Variants in PCDH7 observed in about 807,000 individuals in gnomAD.
PCDH7 encodes the protein protocadherin-7.
Under a neutral mutation model 58.9 loss-of-function variants are expected in PCDH7, and 17 were observed. That is an observed-to-expected ratio of 0.29 (90% CI 0.20 to 0.43). PCDH7 has a LOEUF of 0.43. Ranked by LOEUF, PCDH7 falls within the 20% of genes least tolerant of loss-of-function variation. The probability of loss-of-function intolerance (pLI) is 1.00; values close to 1 mark genes in which losing one functional copy is unlikely to be tolerated. For synonymous variants in PCDH7, 664 were observed against 616.4 expected (o/e 1.08, Z -1.14); for missense variants, 1,274 against 1,441.0 (o/e 0.88, Z 1.88).
intron 1 of PCDH7, among the ~76,000 whole-genome samples, chr4:30,852,284 G>T (rs1732866620): frequency 6.6e-6 from 1 of 152,032 alleles, no homozygotes; most frequent in African/African-American, 2.4e-5. Flanking sequence ...TTGTTTATAT[G>T]TAGATATATA....
intron 3 of PCDH7, among the ~76,000 whole-genome samples, chr4:31,055,528 A>T (rs138771521): frequency 5.9e-5 from 9 of 152,108 alleles, no homozygotes; most frequent in Admixed American, 5.2e-4. Context: ...CTAGCAACAT[A>T]CTAGGTCCTA....
Position 31,065,310 on chromosome 4 carries a change from G to A in PCDH7, c.*8-77163G>A, listed in dbSNP as rs185552713. Among the ~76,000 whole-genome samples the A allele has an allele frequency of 6.2e-3, 947 of 152,118 alleles. 5 individuals are homozygous for A. The highest frequency in any genetic ancestry group is 0.011 in the Non-Finnish European group (766 of 67,934). Reference sequence around the variant, plus strand: ...GAGCAATTCTTCGGTGAGGTGGAATGAGCAGCACTTTAATAGCAGTGCTTA... The same window carrying A: ...GAGCAATTCTTCGGTGAGGTGGAATAAGCAGCACTTTAATAGCAGTGCTTA... On this transcript the variant is annotated intron_variant, in intron 3 of 3. Coordinates refer to the PCDH7 transcript ENST00000509759.
intron 1 of PCDH7, among the ~76,000 whole-genome samples, chr4:30,835,333 C>T (rs1480248186): frequency 2.6e-5 from 4 of 152,040 alleles, no homozygotes; most frequent in South Asian, 2.1e-4. Context: ...TCCTGCCAGA[C>T]GAGCGGTGGC....
chr4:31,079,349 T>G (rs1230193814), intron 3 of PCDH7, among the ~76,000 whole-genome samples: 28 of 90,512 alleles, frequency 3.1e-4, no homozygotes, highest in Middle Eastern at 4.5e-3. Flanking sequence ...TATATATATA[T>G]ATATATATAT....
At chr4:30,885,007 G>A (rs1737515286) in intron 1 of PCDH7, 1 of 152,182 alleles carries the variant, frequency 6.6e-6, no homozygotes, top group African/African-American at 2.4e-5. Flanking sequence ...TGCTAGAGCT[G>A]TAATGATGAA....
chr4:30,724,716 A>T, intron 1 of PCDH7, 120 bp downstream of exon 1: 1 of 1,451,672 alleles, frequency 6.9e-7, no homozygotes, highest in Non-Finnish European at 9.1e-7. Context: ...TAACAGTAGG[A>T]ATTTAATGTT....
chr4:30,841,527 C>G (rs1029303352), intron 1 of PCDH7, among the ~76,000 whole-genome samples: 5 of 152,094 alleles, frequency 3.3e-5, no homozygotes, highest in African/African-American at 9.7e-5. Context: ...TCCAGACATT[C>G]TAAGAAACTT....
At chr4:30,907,043 C>G (rs1276690627) in intron 1 of PCDH7, among the ~76,000 whole-genome samples, 1 of 152,000 alleles carries the variant, frequency 6.6e-6, no homozygotes, top group East Asian at 1.9e-4. Flanking sequence ...TAAAATAAAG[C>G]AGATTATGGT....
At chr4:30,797,368 G>A (rs540429035) in intron 1 of PCDH7, among the ~76,000 whole-genome samples, 1 of 149,562 alleles carries the variant, frequency 6.7e-6, no homozygotes, top group South Asian at 2.1e-4. Context: ...CGCCTCCCGG[G>A]TTCACACCTT....
At chr4:31,126,609 G>A (rs188652762) in intron 3 of PCDH7, among the ~76,000 whole-genome samples, 169 of 152,148 alleles carry the variant, frequency 1.1e-3, no homozygotes, top group African/African-American at 3.6e-3. Flanking sequence ...AATTTTCCCC[G>A]AGATTTTATG....
intron 2 of PCDH7, among the ~76,000 whole-genome samples, chr4:30,947,358 C>T (rs1320117086): frequency 6.6e-6 from 1 of 152,098 alleles, no homozygotes; most frequent in Admixed American, 6.6e-5. Flanking sequence ...GTCTCTCCAT[C>T]TACTACTTAT....
At chr4:30,781,748 C>T (rs1459540661) in intron 1 of PCDH7, among the ~76,000 whole-genome samples, 2 of 151,682 alleles carry the variant, frequency 1.3e-5, no homozygotes, top group East Asian at 3.9e-4. Context: ...GTTGGGCAGA[C>T]TTGTCTTGAA....
intron 3 of PCDH7, among the ~76,000 whole-genome samples, chr4:30,992,484 A>T (rs1490027467): frequency 6.6e-6 from 1 of 152,158 alleles, no homozygotes; most frequent in Non-Finnish European, 1.5e-5. Flanking sequence ...AAGAAGAAAT[A>T]AATGTAATGT....
chr4:30,882,559 G>A (rs1350648936), intron 1 of PCDH7, among the ~76,000 whole-genome samples: 2 of 152,086 alleles, frequency 1.3e-5, no homozygotes, highest in East Asian at 3.9e-4. Context: ...GACTGAGCAT[G>A]CTTTTCTAGT....
At chr4:31,120,170 C>T (rs950160557) in intron 3 of PCDH7, among the ~76,000 whole-genome samples, 2 of 151,984 alleles carry the variant, frequency 1.3e-5, no homozygotes, top group African/African-American at 2.4e-5. Flanking sequence ...AGTCACATAT[C>T]GAATTAAGAA....
chr4:31,055,335 G>C (rs887916181), intron 3 of PCDH7, among the ~76,000 whole-genome samples: 2 of 152,034 alleles, frequency 1.3e-5, no homozygotes, highest in African/African-American at 4.8e-5. Context: ...TTGCCATGAT[G>C]AGTTAAAATT....
chr4:31,035,901 G>A (rs752372065), intron 3 of PCDH7, among the ~76,000 whole-genome samples: 3 of 152,128 alleles, frequency 2.0e-5, no homozygotes, highest in African/African-American at 2.4e-5. Context: ...TTATGGTAGC[G>A]ATAAGGGTTT....
chr4:30,862,238 G>C (rs1020118959), intron 1 of PCDH7, among the ~76,000 whole-genome samples: 2 of 152,166 alleles, frequency 1.3e-5, no homozygotes, highest in African/African-American at 4.8e-5. Context: ...ATTCACAGTG[G>C]TGATGAAAAC....
At chr4:30,880,572 C>A (rs1354696872) in intron 1 of PCDH7, among the ~76,000 whole-genome samples, 1 of 152,040 alleles carries the variant, frequency 6.6e-6, no homozygotes, top group Non-Finnish European at 1.5e-5. Context: ...TGTCATACAA[C>A]CTGAAGCAAA....
Sources: gnomAD v4.1 joint callset for allele counts (sites outside exome capture counted in the v4.1 genomes callset) on GRCh38, gnomAD v4.1.1 for gene constraint, MANE v1.5 for transcripts, NCBI Gene and HGNC (gene_info 2026-07-23, HGNC 2026-07-21) for gene names.